Variants in C14orf180 observed in about 807,000 individuals in gnomAD.
C14orf180 encodes the protein nutritionally-regulated adipose and cardiac enriched protein homolog.
In C14orf180, 13 loss-of-function variants were observed where a neutral mutation model predicts 13.9. That is an observed-to-expected ratio of 0.94 (90% CI 0.61 to 1.49). C14orf180 has a LOEUF of 1.49. Ranked by LOEUF, C14orf180 falls within the 40% of genes most tolerant of loss-of-function variation. C14orf180 has a pLI of 0.00. For missense variants in C14orf180, 238 were observed against 232.0 expected, an observed-to-expected ratio of 1.03 and a Z score of -0.17; for synonymous variants, 113 against 106.3, an observed-to-expected ratio of 1.06 and a Z score of -0.39.
chr14:104,584,768 A>G (rs1437872535), intron 1 of C14orf180, among the ~76,000 whole-genome samples: 3 of 152,128 alleles, frequency 2.0e-5, no homozygotes, highest in Admixed American at 6.5e-5. Flanking sequence ...TAAAAACCTG[A>G]TCCGGCGATA....
intron 1 of C14orf180, among the ~76,000 whole-genome samples, chr14:104,584,562 T>C (rs1886551305): frequency 6.6e-6 from 1 of 152,134 alleles, no homozygotes; most frequent in African/African-American, 2.4e-5. Flanking sequence ...TGGCACTCTG[T>C]GGCTTCCCTA....
chr14:104,580,827 G>C (rs959955949), intron 1 of C14orf180, among the ~76,000 whole-genome samples: 2 of 152,126 alleles, frequency 1.3e-5, no homozygotes, highest in Non-Finnish European at 2.9e-5. Context: ...GGAAGGGCCT[G>C]GGGGGGTCCC....
At chr14:104,580,246 C>T (rs890500287) in intron 1 of C14orf180, among the ~76,000 whole-genome samples, 3 of 152,190 alleles carry the variant, frequency 2.0e-5, no homozygotes, top group Non-Finnish European at 4.4e-5. Flanking sequence ...CCTGAGTGAC[C>T]TGAACAAGCT....
At chr14:104,582,002 C>T (rs912410109) in intron 1 of C14orf180, among the ~76,000 whole-genome samples, 2 of 152,086 alleles carry the variant, frequency 1.3e-5, no homozygotes, top group African/African-American at 2.4e-5. Flanking sequence ...TGGGGCCGCA[C>T]GCTCAGAGCC....
chr14:104,589,880 A>G lies in C14orf180; in HGVS notation c.*1097A>G, dbSNP rs1336033264. The G allele has an allele frequency of 1.3e-5, 2 of 152,218 alleles. No individual in the cohort carries two copies. Among genetic ancestry groups the G allele is most frequent in the Non-Finnish European group, 2.9e-5 (2 of 68,032 alleles). The allele number at this position is 152,218 out of a possible 1,614,324, so 9.4% of individuals were successfully genotyped here. A position where few individuals can be genotyped will look rare whatever the true frequency, so the allele number is the denominator to read the frequency against. On this transcript the variant is annotated 3_prime_UTR_variant, in exon 5 of 5. Transcript: ENST00000557649. This position sits in a 1 kb window ranked among gnomAD's most constrained non-coding sequence, Gnocchi z 4.9. ...TGTTTTTATAGAAATGAGAGAAACC[A>G]GAACCGATTTGCTAAGGAATCGGCC...
intron 3 of C14orf180, 51 bp from the exon 4 acceptor site, chr14:104,588,223 C>A: frequency 6.2e-7 from 1 of 1,612,270 alleles, no homozygotes; most frequent in African/African-American, 1.3e-5. Flanking sequence ...GCGGGGGCGC[C>A]CGATGGACTG....
rs1886740317 is a variant in C14orf180 at position 104,588,795 on chromosome 14, G to A, written c.*12G>A. ...TCCTGCGGCTCTGACGGGCAGGACGGGCAGGACGGGCAGGGCTTCCAGGAG... is the reference window on the plus strand; with the variant it reads ...TCCTGCGGCTCTGACGGGCAGGACGAGCAGGACGGGCAGGGCTTCCAGGAG... On this transcript the variant is annotated 3_prime_UTR_variant, in exon 5 of 5. Transcript: ENST00000557649. 6.5e-7 allele frequency: 1 copy of A among 1,530,210 alleles called. No individual in the cohort carries two copies. The highest frequency in any genetic ancestry group is 1.2e-5 in the South Asian group (1 of 83,278). The allele number at this position is 1,530,210 out of a possible 1,614,324, so 94.8% of individuals were successfully genotyped here. A position where few individuals can be genotyped will look rare whatever the true frequency, so the allele number is the denominator to read the frequency against.
At position 104,586,597 on chromosome 14, in the gene C14orf180, G is replaced by A. The variant is rs981475397; in HGVS notation, c.111+56G>A. Reference sequence around the variant, plus strand: ...CAAGCTGGCCTTCCACTGGGGGCTGGAGGGGGCAGGGAGCAACAGACGTGG... The same window carrying A: ...CAAGCTGGCCTTCCACTGGGGGCTGAAGGGGGCAGGGAGCAACAGACGTGG... On this transcript the variant is annotated intron_variant, in intron 2 of 4. Transcript: ENST00000557649. 4.2e-6 allele frequency: 5 copies of A among 1,185,698 alleles called. No individual in the cohort carries two copies. The African/African-American group carries it at 7.9e-5, about 19-fold the overall frequency. 73.4% of individuals were successfully genotyped at this position (1,185,698 alleles called of 1,614,324 possible). A position where few individuals can be genotyped will look rare whatever the true frequency, so the allele number is the denominator to read the frequency against.
rs922718341 is a variant in C14orf180 at position 104,588,144 on chromosome 14, G to T, written c.242-130G>T. 15 of 1,155,064 alleles carry T rather than the reference G, an allele frequency of 1.3e-5. No homozygotes were observed. The African/African-American group carries it at 2.1e-4, about 16-fold the overall frequency. 71.6% of individuals were successfully genotyped at this position (1,155,064 alleles called of 1,614,324 possible). A position where few individuals can be genotyped will look rare whatever the true frequency, so the allele number is the denominator to read the frequency against. On this transcript the variant is annotated intron_variant, in intron 3 of 4. Coordinates refer to ENST00000557649, the MANE Select transcript of C14orf180 (RefSeq NM_001008404.3). ...GTCCCTTTGAGGAAGTGTCAGGACC[G>T]GCTGGGCCTGGGTCTCTCACTGATG...
intron 1 of C14orf180, among the ~76,000 whole-genome samples, chr14:104,583,387 C>T (rs922760933): frequency 8.5e-5 from 13 of 152,264 alleles, no homozygotes; most frequent in African/African-American, 2.2e-4. Context: ...ATTCCCTCCC[C>T]GAGTGATGCC....
At chr14:104,586,046 A>G (rs553691175) in intron 1 of C14orf180, among the ~76,000 whole-genome samples, 3 of 152,370 alleles carry the variant, frequency 2.0e-5, no homozygotes, top group South Asian at 2.1e-4. Flanking sequence ...AGCCTTATCC[A>G]TGACCTCCAA....
chr14:104,584,743 C>G (rs562751868), intron 1 of C14orf180, among the ~76,000 whole-genome samples: 63 of 152,216 alleles, frequency 4.1e-4, no homozygotes, highest in Admixed American at 2.0e-4. Flanking sequence ...GCTCCTGCCA[C>G]AACCCTATTT....
intron 1 of C14orf180, among the ~76,000 whole-genome samples, chr14:104,584,958 C>A (rs1365027482): frequency 1.3e-5 from 2 of 152,186 alleles, no homozygotes; most frequent in Admixed American, 6.5e-5. Context: ...GCAGTATCCA[C>A]CCAAACCACT....
At chr14:104,588,024 A>G in intron 3 of C14orf180, 146 bp downstream of exon 3, 1 of 1,116,162 alleles carries the variant, frequency 9.0e-7, no homozygotes, top group South Asian at 1.6e-5. Flanking sequence ...CAACCCCTGT[A>G]AGACCTGGGC....
rs1452996544 is a variant in C14orf180 at position 104,580,000 on chromosome 14, C to T, written c.-20C>T. 6.6e-6 allele frequency: 1 copy of T among 152,420 alleles called. No individual in the cohort carries two copies. Among genetic ancestry groups the T allele is most frequent in the Non-Finnish European group, 1.5e-5 (1 of 68,194 alleles). 9.4% of individuals were successfully genotyped at this position (152,420 alleles called of 1,614,324 possible). On this transcript the variant is annotated 5_prime_UTR_variant, in exon 1 of 5. Transcript: ENST00000557649. ...TGTCCCTCGGGGAGCCAGGAGGGAA[C>T]CAGGTGAGTTCCAGCCCCAGGGAGA...
At chr14:104,582,819 A>G (rs1886483340) in intron 1 of C14orf180, among the ~76,000 whole-genome samples, 1 of 152,096 alleles carries the variant, frequency 6.6e-6, no homozygotes, top group Non-Finnish European at 1.5e-5. Flanking sequence ...CAGGCTCTGA[A>G]GCTATTTTCC....
chr14:104,580,430 A>G (rs1886397639), intron 1 of C14orf180, among the ~76,000 whole-genome samples: 1 of 152,164 alleles, frequency 6.6e-6, no homozygotes, highest in African/African-American at 2.4e-5. Context: ...GGAGCTTCCA[A>G]AGGGCACCTG....
At position 104,580,014 on chromosome 14, in the gene C14orf180, GC is replaced by G. The variant is rs1286033062; in HGVS notation, c.-17+15del. The G allele has an allele frequency of 6.6e-6, 1 of 152,398 alleles. No homozygotes were observed. The highest frequency in any genetic ancestry group is 1.5e-5 in the Non-Finnish European group (1 of 68,162). 9.4% of individuals were successfully genotyped at this position (152,398 alleles called of 1,614,324 possible). On this transcript the variant is annotated intron_variant, in intron 1 of 4. Coordinates refer to ENST00000557649, the MANE Select transcript of C14orf180 (RefSeq NM_001008404.3). ...CCAGGAGGGAACCAGGTGAGTTCCA[GC>G]CCCAGGGAGAGGGGGCTCACTTCCT...
chr14:104,583,229 A>C (rs905052208), intron 1 of C14orf180, among the ~76,000 whole-genome samples: 14 of 152,062 alleles, frequency 9.2e-5, no homozygotes, highest in African/African-American at 3.4e-4. Flanking sequence ...CTCAGGGCTC[A>C]GGGAGGCTGC....
Sources: gnomAD v4.1 joint callset for allele counts (sites outside exome capture counted in the v4.1 genomes callset) on GRCh38, gnomAD v4.1.1 for gene constraint, Gnocchi (gnomAD v3.1) non-coding constraint, MANE v1.5 for transcripts, NCBI Gene and HGNC (gene_info 2026-07-23, HGNC 2026-07-21) for gene names.